The following GALNT5 variants were observed in gnomAD, a reference collection of about 807,000 sequenced individuals.
The protein encoded by GALNT5 is polypeptide N-acetylgalactosaminyltransferase 5.
A neutral mutation model predicts 85.4 loss-of-function variants in GALNT5; 72 were observed. The ratio of observed to expected loss-of-function variants is 0.84; its 90% CI spans 0.70 to 1.03. The LOEUF (loss-of-function observed/expected upper bound fraction) is 1.03. Ranked by LOEUF, GALNT5 falls within the 50% of genes least tolerant of loss-of-function variation. The pLI, the probability that GALNT5 is intolerant of heterozygous loss-of-function variation, is 0.00. For missense variants in GALNT5, 1,137 were observed against 1,135.5 expected (o/e 1.00, Z -0.02); for synonymous variants, 404 against 397.0 (o/e 1.02, Z -0.21).
At chr2:157,261,139 G>A (rs1682331665) in intron 1 of GALNT5, among the ~76,000 whole-genome samples, 1 of 152,154 alleles carries the variant, frequency 6.6e-6, no homozygotes, top group African/African-American at 2.4e-5. Flanking sequence ...AACACAAAGT[G>A]CAAGGAAATG....
chr2:157,276,632 C>T (rs1682733150), intron 1 of GALNT5, among the ~76,000 whole-genome samples: 1 of 152,182 alleles, frequency 6.6e-6, no homozygotes, highest in Non-Finnish European at 1.5e-5. Flanking sequence ...ATAGTATTCT[C>T]TGATGGTAGT....
rs1331297933 is a variant in GALNT5, at chr2:157,286,017, T to C, written c.1624T>C (p.Tyr542His). 18 of 1,595,190 alleles carry C rather than the reference T, an allele frequency of 1.1e-5. No individual in the cohort carries two copies. Among genetic ancestry groups the C allele is most frequent in the Non-Finnish European group, 1.5e-5 (18 of 1,163,116 alleles). Reference sequence around the variant, plus strand: ...GGTTTATCTTTACTCTGATGTAGACTATCTAAAAGATAATTTGGATAAATA... The same window carrying C: ...GGTTTATCTTTACTCTGATGTAGACCATCTAAAAGATAATTTGGATAAATA... ...LLVDDFSTKD[Y>H]LKDNLDKYMS... The change falls in exon 3 of 10, where the codon TAT (tyrosine) becomes CAT (histidine). Residue 542 changes from tyrosine (Y) to histidine (H), a missense_variant and splice_region_variant. Physicochemically the swap from Tyr to His is moderately conservative, Grantham distance 83. Coordinates refer to ENST00000259056, the MANE Select transcript of GALNT5 (RefSeq NM_014568.3).
At chr2:157,292,697 A>G (rs1340656513) in intron 3 of GALNT5, among the ~76,000 whole-genome samples, 3 of 151,946 alleles carry the variant, frequency 2.0e-5, no homozygotes, top group Non-Finnish European at 4.4e-5. Flanking sequence ...GACCACAAGT[A>G]GAAATCGTAT....
chr2:157,257,858 C>A lies in GALNT5; in HGVS notation c.-225C>A. The A allele has an allele frequency of 1.8e-6, 1 of 567,864 alleles. No homozygotes were observed. Among genetic ancestry groups the A allele is most frequent in the South Asian group, 2.0e-5 (1 of 49,720 alleles). 35.2% of individuals were successfully genotyped at this position (567,864 alleles called of 1,614,324 possible). A position where few individuals can be genotyped will look rare whatever the true frequency, so the allele number is the denominator to read the frequency against. ...TTATCAGAACTTAGCCAGGGCCAGC[C>A]AAGCAGGCACAGATGCTCTGCTATG... On this transcript the variant is annotated 5_prime_UTR_variant, in exon 1 of 10. Coordinates refer to ENST00000259056, the MANE Select transcript of GALNT5 (RefSeq NM_014568.3).
At chr2:157,299,748 G>A in intron 6 of GALNT5, 83 bp downstream of exon 6, 2 of 678,956 alleles carry the variant, frequency 2.9e-6, no homozygotes, top group Non-Finnish European at 5.0e-6. Context: ...CCATAATCAG[G>A]TATGTGACTG....
Position 157,258,152 on chromosome 2 carries a change from A to C in GALNT5, c.70A>C (p.Ile24Leu). The C allele has an allele frequency of 1.2e-6, 2 of 1,614,086 alleles. No individual in the cohort carries two copies. The highest frequency in any genetic ancestry group is 1.7e-6 in the Non-Finnish European group (2 of 1,180,002). Residue 24 changes from isoleucine (I) to leucine (L), a missense_variant, in exon 1 of 10, where the codon ATC becomes CTC. Coordinates refer to ENST00000259056, the MANE Select transcript of GALNT5 (RefSeq NM_014568.3). ...GGCATTTATCTTTGTAGCTTCTGTCATCTGGCTCCTCTTTGACATGGCAGC... is the reference window on the plus strand; with the variant it reads ...GGCATTTATCTTTGTAGCTTCTGTCCTCTGGCTCCTCTTTGACATGGCAGC... ...VLAFIFVASV[I>L]WLLFDMAALR...
Position 157,311,238 on chromosome 2 carries a change from C to CA in GALNT5, c.2715dup (p.Leu906IlefsTer19). 1 of 1,609,328 alleles carries CA rather than the reference C, an allele frequency of 6.2e-7. No homozygotes were observed. Among genetic ancestry groups the CA allele is most frequent in the Non-Finnish European group, 8.5e-7 (1 of 1,176,676 alleles). Reference sequence around the variant, plus strand: ...TCACATTGTTTTTGAAAACAATCAGCAATTATTATGCTTGGAAGGAAATTT... The same window carrying CA: ...TCACATTGTTTTTGAAAACAATCAGCAAATTATTATGCTTGGAAGGAAATTT... On this transcript the variant is annotated frameshift_variant, in exon 10 of 10. Coordinates refer to ENST00000259056, the MANE Select transcript of GALNT5 (RefSeq NM_014568.3). LOFTEE classifies it high-confidence loss of function.
At chr2:157,261,501 G>C (rs1682338850) in intron 1 of GALNT5, among the ~76,000 whole-genome samples, 2 of 152,204 alleles carry the variant, frequency 1.3e-5, no homozygotes, top group South Asian at 2.1e-4. Flanking sequence ...ATGAGTCAGA[G>C]AGCATGTGGC....
At chr2:157,271,814 G>T (rs1259961963) in intron 1 of GALNT5, among the ~76,000 whole-genome samples, 1 of 152,170 alleles carries the variant, frequency 6.6e-6, no homozygotes, top group Admixed American at 6.5e-5. Context: ...CTGCAATTCA[G>T]ATGGGAAATC....
In GALNT5 at chr2:157,290,529, G is replaced by A. The variant is rs528606634; in HGVS notation, c.1741+4395G>A. ...GTGTGCCACAGCTCTCAAGAGTAGA[G>A]ATAAGTAAGAGACTAAGGGCCTCCT... On this transcript the variant is annotated intron_variant, in intron 3 of 9. Transcript: ENST00000259056. Among the ~76,000 whole-genome samples, 8 of 152,256 alleles carry A rather than the reference G, an allele frequency of 5.3e-5. No individual in the cohort carries two copies. The South Asian group carries it at 1.7e-3, about 32-fold the overall frequency.
intron 1 of GALNT5, among the ~76,000 whole-genome samples, chr2:157,281,491 A>G (rs1045551400): frequency 6.6e-6 from 1 of 152,210 alleles, no homozygotes; most frequent in African/African-American, 2.4e-5. Flanking sequence ...AGCAATATGA[A>G]TATCAAGGAT....
intron 1 of GALNT5, among the ~76,000 whole-genome samples, chr2:157,262,740 C>T (rs1682372110): frequency 6.6e-6 from 1 of 151,298 alleles, no homozygotes; most frequent in African/African-American, 2.5e-5. Context: ...ATTCTCTTTT[C>T]CAAACCTGCT....
chr2:157,308,851 G>A (rs540999731), intron 9 of GALNT5, 123 bp downstream of exon 9: 13 of 687,132 alleles, frequency 1.9e-5, no homozygotes, highest in Non-Finnish European at 3.1e-5. Flanking sequence ...ATGGGATTAT[G>A]TAAAAGTTCA....
At chr2:157,305,570 G>T (rs1373674652) in intron 7 of GALNT5, among the ~76,000 whole-genome samples, 179 bp from the exon 8 acceptor site, 1 of 152,196 alleles carries the variant, frequency 6.6e-6, no homozygotes, top group African/African-American at 2.4e-5. Flanking sequence ...ACTATTACAA[G>T]ATTACATTAT....
chr2:157,304,193 C>T (rs1379070241), intron 7 of GALNT5, among the ~76,000 whole-genome samples: 1 of 152,120 alleles, frequency 6.6e-6, no homozygotes, highest in Non-Finnish European at 1.5e-5. Context: ...CTCTGAAGTT[C>T]AGGGGTGGGA....
At chr2:157,283,603 TAAGTACATACAC>T (rs1369173082) in intron 1 of GALNT5, among the ~76,000 whole-genome samples, 5 of 152,290 alleles carry the variant, frequency 3.3e-5, no homozygotes, top group Admixed American at 6.5e-5. Context: ...TATTATGCCA[TAAGTACATACAC>T]AAGCAGAATG....
At chr2:157,282,069 A>T (rs771762585) in intron 1 of GALNT5, among the ~76,000 whole-genome samples, 1 of 152,216 alleles carries the variant, frequency 6.6e-6, no homozygotes, top group Non-Finnish European at 1.5e-5. Flanking sequence ...GTGCTAATGC[A>T]TGGATCCTTA....
intron 9 of GALNT5, among the ~76,000 whole-genome samples, chr2:157,309,670 T>C (rs2105172426): frequency 6.6e-6 from 1 of 152,320 alleles, no homozygotes; most frequent in South Asian, 2.1e-4. Context: ...CCTCCGTTCC[T>C]TTTAACAACA....
At chr2:157,260,821 C>A (rs1000297302) in intron 1 of GALNT5, among the ~76,000 whole-genome samples, 1 of 152,180 alleles carries the variant, frequency 6.6e-6, no homozygotes, top group Non-Finnish European at 1.5e-5. Flanking sequence ...CATCAGCAAA[C>A]AGCTATCAGC....
Sources: gnomAD v4.1 joint callset for allele counts (sites outside exome capture counted in the v4.1 genomes callset) on GRCh38, gnomAD v4.1.1 for gene constraint, MANE v1.5 for transcripts, NCBI Gene and HGNC (gene_info 2026-07-23, HGNC 2026-07-21) for gene names.